The following SPDEF variants were observed in gnomAD, a reference collection of about 807,000 sequenced individuals.
The protein encoded by SPDEF is SAM pointed domain-containing Ets transcription factor.
A neutral mutation model predicts 36.0 loss-of-function variants in SPDEF; 12 were observed. That is an observed-to-expected ratio of 0.33 (90% CI 0.21 to 0.54). The LOEUF is 0.54. Among genes scored for constraint, SPDEF ranks in the 20% least tolerant of loss-of-function variants. The probability of loss-of-function intolerance (pLI) is 0.93; values close to 1 mark genes in which losing one functional copy is unlikely to be tolerated. For missense variants in SPDEF, 388 were observed against 456.9 expected, an observed-to-expected ratio of 0.85 and a Z score of 1.37; for synonymous variants, 205 against 193.0, an observed-to-expected ratio of 1.06 and a Z score of -0.51.
At chr6:34,545,681 G>A (rs6911498) in intron 1 of SPDEF, among the ~76,000 whole-genome samples, 3,828 of 152,238 alleles carry the variant, frequency 0.025, 131 homozygotes, top group African/African-American at 0.083. Context: ...AGGCCGAGGC[G>A]GGCAGATCAC....
chr6:34,541,063 G>A lies in SPDEF; in HGVS notation c.555C>T (p.Ala185=), dbSNP rs143263449. The A allele has an allele frequency of 7.1e-4, 1,149 of 1,612,716 alleles. 3 individuals carry two copies. The highest frequency in any genetic ancestry group is 2.8e-3 in the South Asian group (252 of 90,832). The change falls in exon 3 of 6, where the codon GCC becomes GCT. Residue 185 remains alanine (A), a synonymous_variant. Coordinates refer to ENST00000374037, the MANE Select transcript of SPDEF (RefSeq NM_012391.3). ...FQELAGKELC[A]MSEEQFRQRS... ...GCTGGCGGAACTGCTCCTCCGACAT[G>A]GCGCACAGCTCCTTGCCCGCCAGCT...
chr6:34,543,312 A>C (rs1767868369), intron 2 of SPDEF, among the ~76,000 whole-genome samples: 1 of 150,774 alleles, frequency 6.6e-6, no homozygotes, highest in Admixed American at 6.6e-5. Flanking sequence ...GCATCTGGGG[A>C]TGGATTGATG....
chr6:34,554,996 G>A (rs974384936), intron 1 of SPDEF, among the ~76,000 whole-genome samples: 1 of 152,144 alleles, frequency 6.6e-6, no homozygotes, highest in Non-Finnish European at 1.5e-5. Context: ...GCTGCTGGGC[G>A]GCCCCAGCTG....
rs372246298 is a variant in SPDEF at position 34,539,606 on chromosome 6, G to C, written c.635-44C>G. On this transcript the variant is annotated intron_variant, in intron 3 of 5. Coordinates refer to ENST00000374037, the MANE Select transcript of SPDEF (RefSeq NM_012391.3). This position sits in a 1 kb window ranked among gnomAD's most constrained non-coding sequence, Gnocchi z 5.2. ...GGGTTGGGGACCCAGGAGAGGCCCC[G>C]AGGGTGGAGGAGGGGAGGCGTTTGG... is the stretch of plus-strand genomic sequence containing the variant. 6.5e-7 allele frequency: 1 copy of C among 1,547,060 alleles called. No individual in the cohort carries two copies. Among genetic ancestry groups the C allele is most frequent in the Non-Finnish European group, 8.7e-7 (1 of 1,144,826 alleles).
Position 34,544,288 on chromosome 6 carries a change from G to A in SPDEF, c.168C>T (p.Ser56=), listed in dbSNP as rs2233638. ...TGTCAAAGTAGGAGAGGTAGAAGGCGGACAGGCCCTGCTCGGGCGTGGCGG... is the reference window on the plus strand; with the variant it reads ...TGTCAAAGTAGGAGAGGTAGAAGGCAGACAGGCCCTGCTCGGGCGTGGCGG... The part of the protein sequence containing the change: ...SPPATPEQGL[S]AFYLSYFDML... Residue 56 remains serine (S), a synonymous_variant, in exon 2 of 6, where the codon TCC becomes TCT. Transcript: ENST00000374037. This position sits in a 1 kb window ranked among gnomAD's most constrained non-coding sequence, Gnocchi z 4.4. 2.8e-5 allele frequency: 45 copies of A among 1,613,200 alleles called. No individual in the cohort carries two copies. The highest frequency in any genetic ancestry group is 1.2e-4 in the African/African-American group (9 of 74,938).
At chr6:34,543,811 C>T (rs536683031) in intron 2 of SPDEF, among the ~76,000 whole-genome samples, 1 of 152,330 alleles carries the variant, frequency 6.6e-6, no homozygotes, top group East Asian at 1.9e-4. Context: ...GGACCCTAGG[C>T]TGGCATGGTT....
chr6:34,552,316 A>G lies in SPDEF; in HGVS notation c.-30+3613T>C, dbSNP rs1381840301. On this transcript the variant is annotated intron_variant, in intron 1 of 5. Coordinates refer to ENST00000374037, the MANE Select transcript of SPDEF (RefSeq NM_012391.3). This position sits in a 1 kb window ranked among gnomAD's most constrained non-coding sequence, Gnocchi z 4.6. The stretch of plus-strand genomic sequence containing the variant: ...CCTGCCCAGCAGGGTCGTTGAGGGC[A>G]TGAGAACACACGGATGTCACCGGAG... 5.9e-5 allele frequency among the ~76,000 whole-genome samples: 9 copies of G among 152,208 alleles called. No individual in the cohort carries two copies. Among genetic ancestry groups the G allele is most frequent in the Admixed American group, 5.9e-4 (9 of 15,290 alleles).
intron 2 of SPDEF, among the ~76,000 whole-genome samples, chr6:34,542,886 C>CAAAA (rs758431726): frequency 0.015 from 779 of 53,512 alleles, 18 homozygotes; most frequent in African/African-American, 0.034. Context: ...GAGACCCTGT[C>CAAAA]AAAAAAAAAA....
intron 1 of SPDEF, among the ~76,000 whole-genome samples, chr6:34,551,060 AG>A (rs1406420965): frequency 6.6e-6 from 1 of 152,188 alleles, no homozygotes; most frequent in East Asian, 1.9e-4. Flanking sequence ...TTGACGGACA[AG>A]GGCGCTGTGA....
intron 1 of SPDEF, among the ~76,000 whole-genome samples, chr6:34,546,540 C>G (rs555166212): frequency 4.5e-4 from 69 of 152,310 alleles, no homozygotes; most frequent in South Asian, 1.2e-3. Flanking sequence ...TTCAATTTCA[C>G]ACAACTCAGA....
At position 34,539,135 on chromosome 6, in the gene SPDEF, TG is replaced by T; in HGVS notation, c.829+114del. 3 of 1,235,424 alleles carry T rather than the reference TG, an allele frequency of 2.4e-6. No individual in the cohort carries two copies. The highest frequency in any genetic ancestry group is 3.4e-6 in the Non-Finnish European group (3 of 878,186). The allele number at this position is 1,235,424 out of a possible 1,614,324, so 76.5% of individuals were successfully genotyped here. A position where few individuals can be genotyped will look rare whatever the true frequency, so the allele number is the denominator to read the frequency against. On this transcript the variant is annotated intron_variant, in intron 5 of 5. Coordinates refer to ENST00000374037, the MANE Select transcript of SPDEF (RefSeq NM_012391.3). This position sits in a 1 kb window ranked among gnomAD's most constrained non-coding sequence, Gnocchi z 5.2. ...GCATATTTGGCATCTAGGACAAAGG[TG>T]GGGATCAGCTTCACCCCTCTGCCCG...
chr6:34,540,250 T>C (rs986963752), intron 3 of SPDEF, among the ~76,000 whole-genome samples: 2 of 152,042 alleles, frequency 1.3e-5, no homozygotes, highest in Non-Finnish European at 2.9e-5. Context: ...TAGTGAGCTG[T>C]GACTGTGCCA....
intron 1 of SPDEF, among the ~76,000 whole-genome samples, chr6:34,551,824 C>T (rs1344852596): frequency 6.6e-6 from 1 of 152,150 alleles, no homozygotes; most frequent in Non-Finnish European, 1.5e-5. Flanking sequence ...CCCGCCTCCT[C>T]CAGCCAGCAG....
At chr6:34,541,646 T>C (rs1767824994) in intron 2 of SPDEF, among the ~76,000 whole-genome samples, 1 of 152,240 alleles carries the variant, frequency 6.6e-6, no homozygotes, top group Non-Finnish European at 1.5e-5. Context: ...CCAGCCCCTG[T>C]ATCTTACAGA....
At chr6:34,554,661 C>A (rs905891070) in intron 1 of SPDEF, among the ~76,000 whole-genome samples, 3 of 152,226 alleles carry the variant, frequency 2.0e-5, no homozygotes, top group Admixed American at 2.0e-4. Flanking sequence ...GGTGGGACTC[C>A]AAGCTGGGGG....
chr6:34,548,776 T>TGCCCCAGCGAGCCCTCCC (rs1768002303), intron 1 of SPDEF, among the ~76,000 whole-genome samples: 1 of 152,224 alleles, frequency 6.6e-6, no homozygotes, highest in African/African-American at 2.4e-5. Flanking sequence ...AAAGCCCTCC[T>TGCCCCAGCGAGCCCTCCC]GCCCCAGCGA....
At chr6:34,554,061 G>A (rs960696361) in intron 1 of SPDEF, among the ~76,000 whole-genome samples, 2 of 152,190 alleles carry the variant, frequency 1.3e-5, no homozygotes, top group African/African-American at 4.8e-5. Flanking sequence ...TTGTTTCACA[G>A]ACAAGGTGTT....
chr6:34,546,805 A>G (rs752839458), intron 1 of SPDEF, among the ~76,000 whole-genome samples: 2 of 149,618 alleles, frequency 1.3e-5, no homozygotes, highest in Non-Finnish European at 3.0e-5. Flanking sequence ...GCAGAGACCA[A>G]GGCGGGGCTG....
At chr6:34,546,144 C>T (rs771435107) in intron 1 of SPDEF, among the ~76,000 whole-genome samples, 1 of 152,196 alleles carries the variant, frequency 6.6e-6, no homozygotes, top group Non-Finnish European at 1.5e-5. Context: ...ACCAGCGCCA[C>T]CTCGGAGCTT....
Sources: allele counts gnomAD v4.1 joint callset (sites outside exome capture counted in the v4.1 genomes callset), GRCh38; gene constraint gnomAD v4.1.1; non-coding constraint Gnocchi (gnomAD v3.1); transcripts MANE v1.5; gene names NCBI Gene and HGNC (gene_info 2026-07-23, HGNC 2026-07-21).